Variants in AJAP1 observed in about 807,000 individuals in gnomAD.
The protein encoded by AJAP1 is adherens junction-associated protein 1.
In AJAP1, 5 loss-of-function variants were observed where a neutral mutation model predicts 35.0. The ratio of observed to expected loss-of-function variants is 0.14; its 90% CI spans 0.07 to 0.30. AJAP1 has a LOEUF of 0.30. Among genes scored for constraint, AJAP1 ranks in the 10% least tolerant of loss-of-function variants. The pLI, the probability that AJAP1 is intolerant of heterozygous loss-of-function variation, is 1.00. For missense variants in AJAP1, 586 were observed against 571.0 expected, an observed-to-expected ratio of 1.03 and a Z score of -0.27; for synonymous variants, 284 against 249.3, an observed-to-expected ratio of 1.14 and a Z score of -1.31.
At chr1:4,760,544 C>G (rs1018251209) in intron 2 of AJAP1, among the ~76,000 whole-genome samples, 1 of 152,152 alleles carries the variant, frequency 6.6e-6, no homozygotes, top group Admixed American at 6.5e-5. Flanking sequence ...CTGACTCCCC[C>G]GCCCCTGGGA....
chr1:4,743,554 C>A (rs1641119766), intron 2 of AJAP1, among the ~76,000 whole-genome samples: 1 of 152,186 alleles, frequency 6.6e-6, no homozygotes, highest in Non-Finnish European at 1.5e-5. Context: ...ATTCATCCAT[C>A]CATCCATCCC....
At chr1:4,753,658 C>T (rs549559226) in intron 2 of AJAP1, among the ~76,000 whole-genome samples, 9 of 152,294 alleles carry the variant, frequency 5.9e-5, no homozygotes, top group African/African-American at 1.2e-4. Flanking sequence ...CCGCAACCTC[C>T]GCCTCCTGGG....
intron 1 of AJAP1, among the ~76,000 whole-genome samples, chr1:4,674,079 A>G (rs572081451): frequency 0.011 from 1,588 of 141,994 alleles, 11 homozygotes; most frequent in Middle Eastern, 0.022. Context: ...AACAAAAAGG[A>G]TTGTTTCTTT....
chr1:4,751,716 G>A (rs924843283), intron 2 of AJAP1, among the ~76,000 whole-genome samples: 1 of 151,582 alleles, frequency 6.6e-6, no homozygotes, highest in Admixed American at 6.5e-5. Flanking sequence ...TGGCCACACC[G>A]ATGATGGCAG....
chr1:4,707,768 G>T (rs1034770414), intron 1 of AJAP1, among the ~76,000 whole-genome samples: 1 of 152,096 alleles, frequency 6.6e-6, no homozygotes, highest in African/African-American at 2.4e-5. Context: ...GTGCCTAAGA[G>T]AGGGGCAGCA....
Position 4,792,392 on chromosome 1 carries a change from A to AT in AJAP1, c.*9914dup, listed in dbSNP as rs1200922123. The stretch of plus-strand genomic sequence containing the variant: ...CCGTACAGGTGAACTTTTATTCCAG[A>AT]TTTTTTTAAGTTGTTTCTGTATTTC... On this transcript the variant is annotated 3_prime_UTR_variant, in exon 6 of 6. Coordinates refer to ENST00000378191, the MANE Select transcript of AJAP1 (RefSeq NM_018836.4). The AT allele has an allele frequency of 6.6e-6, 1 of 151,502 alleles. No individual in the cohort carries two copies. Among genetic ancestry groups the AT allele is most frequent in the African/African-American group, 2.4e-5 (1 of 41,216 alleles). The allele number at this position is 151,502 out of a possible 1,614,324, so 9.4% of individuals were successfully genotyped here.
chr1:4,682,086 C>T (rs1032105632), intron 1 of AJAP1, among the ~76,000 whole-genome samples: 1 of 152,174 alleles, frequency 6.6e-6, no homozygotes, highest in Non-Finnish European at 1.5e-5. Context: ...GCAGAGTCCA[C>T]CAATGATACT....
intron 2 of AJAP1, among the ~76,000 whole-genome samples, chr1:4,757,164 G>T (rs1312130752): frequency 6.6e-6 from 1 of 152,178 alleles, no homozygotes; most frequent in African/African-American, 2.4e-5. Context: ...CCTCACTTCT[G>T]GTCTTTCTCT....
intron 2 of AJAP1, among the ~76,000 whole-genome samples, chr1:4,740,073 A>G (rs575688228): frequency 2.6e-5 from 4 of 152,240 alleles, no homozygotes; most frequent in African/African-American, 7.2e-5. Flanking sequence ...ACCCATGTTC[A>G]CAGCAGCGTT....
Position 4,772,037 on chromosome 1 carries a change from C to T in AJAP1, c.918-243C>T, listed in dbSNP as rs150457328. 2.0e-4 allele frequency among the ~76,000 whole-genome samples: 30 copies of T among 152,036 alleles called. 4 individuals are homozygous for T. Among genetic ancestry groups the T allele is most frequent in the African/African-American group, 7.2e-4 (30 of 41,450 alleles). ...TGCGATCACACAGCTCACTACTTAC[C>T]CCTCATCCTCCCTGCTGTAATAGCC... On this transcript the variant is annotated intron_variant, in intron 3 of 5. Coordinates refer to ENST00000378191, the MANE Select transcript of AJAP1 (RefSeq NM_018836.4).
At chr1:4,766,438 A>G (rs768149703) in intron 2 of AJAP1, among the ~76,000 whole-genome samples, 21 of 152,218 alleles carry the variant, frequency 1.4e-4, no homozygotes, top group Non-Finnish European at 2.1e-4. Flanking sequence ...ATTTTGCTTT[A>G]TTCTAAGTGA....
intron 2 of AJAP1, among the ~76,000 whole-genome samples, chr1:4,740,713 G>C (rs1471900275): frequency 6.8e-6 from 1 of 146,318 alleles, no homozygotes; most frequent in Non-Finnish European, 1.5e-5. Flanking sequence ...GGGAACCCGG[G>C]AGGAGGAGCT....
intron 4 of AJAP1, among the ~76,000 whole-genome samples, chr1:4,772,856 G>T (rs1641867696): frequency 6.6e-6 from 1 of 152,204 alleles, no homozygotes. Flanking sequence ...CAGCCCCGTG[G>T]TTATTGGCCT....
chr1:4,674,545 A>G (rs975980184), intron 1 of AJAP1, among the ~76,000 whole-genome samples: 1 of 152,260 alleles, frequency 6.6e-6, no homozygotes, highest in African/African-American at 2.4e-5. Context: ...AGGTCAGTGC[A>G]GAAGCAGAAA....
At chr1:4,771,069 A>G (rs1311892943) in intron 3 of AJAP1, among the ~76,000 whole-genome samples, 1 of 152,124 alleles carries the variant, frequency 6.6e-6, no homozygotes, top group East Asian at 1.9e-4. Flanking sequence ...TCATCTCCCC[A>G]GAGACAGGGG....
intron 2 of AJAP1, among the ~76,000 whole-genome samples, chr1:4,743,982 T>C (rs891971047): frequency 1.3e-5 from 2 of 152,156 alleles, no homozygotes; most frequent in Admixed American, 1.3e-4. Flanking sequence ...TGAAGTGATG[T>C]GGTGTTTTTT....
chr1:4,698,828 G>T (rs1639923323), intron 1 of AJAP1, among the ~76,000 whole-genome samples: 2 of 152,184 alleles, frequency 1.3e-5, no homozygotes, highest in Admixed American at 1.3e-4. Flanking sequence ...AGGTGCCTTA[G>T]CCACACTGAG....
In AJAP1 at chr1:4,701,917, C is replaced by T. The variant is rs186650853; in HGVS notation, c.30-9983C>T. Among the ~76,000 whole-genome samples the T allele has an allele frequency of 6.0e-4, 92 of 152,318 alleles. No individual in the cohort carries two copies. In the East Asian group the frequency reaches 0.017, roughly 28 times the overall value. ...ACAGGGCACAGCCACCTTCACCTCC[C>T]TTCCCTTTCCTCCCCCAACACCCCG... is the stretch of plus-strand genomic sequence containing the variant. On this transcript the variant is annotated intron_variant, in intron 1 of 5. Coordinates refer to ENST00000378191, the MANE Select transcript of AJAP1 (RefSeq NM_018836.4).
In AJAP1 at chr1:4,772,262, A is replaced by C. The variant is rs1379417353; in HGVS notation, c.918-18A>C. 2 of 1,613,344 alleles carry C rather than the reference A, an allele frequency of 1.2e-6. No individual in the cohort carries two copies. The highest frequency in any genetic ancestry group is 1.7e-5 in the Admixed American group (1 of 60,004). On this transcript the variant is annotated intron_variant, in intron 3 of 5. Coordinates refer to ENST00000378191, the MANE Select transcript of AJAP1 (RefSeq NM_018836.4). The stretch of plus-strand genomic sequence containing the variant: ...CGGCCTCTGCCCGTCCCCCTACCCC[A>C]AACTCTTTCTCTTCCAGCTGTGCCC...
Sources: allele counts gnomAD v4.1 joint callset (sites outside exome capture counted in the v4.1 genomes callset), GRCh38; gene constraint gnomAD v4.1.1; transcripts MANE v1.5; gene names NCBI Gene and HGNC (gene_info 2026-07-23, HGNC 2026-07-21).